Variants in USH2A observed in about 807,000 individuals in gnomAD.
USH2A encodes the protein usherin, also known as Usher syndrome 2A (autosomal recessive, mild).
In USH2A, 443 loss-of-function variants were observed where a neutral mutation model predicts 538.9. The ratio of observed to expected loss-of-function variants is 0.82; its 90% CI spans 0.76 to 0.89. USH2A has a LOEUF of 0.89. USH2A is among the 40% of genes least tolerant of loss of function. USH2A has a pLI of 0.00. For synonymous variants in USH2A, 2,413 were observed against 2,273.5 expected (o/e 1.06, Z -1.75); for missense variants, 6,633 against 6,324.8 (o/e 1.05, Z -1.65).
At chr1:215,768,506 C>T (rs910836685) in intron 55 of USH2A, among the ~76,000 whole-genome samples, 1 of 152,126 alleles carries the variant, frequency 6.6e-6, no homozygotes. Context: ...GATGCAGGCA[C>T]TTATTTGATT....
chr1:216,016,693 A>C (rs1668720145), intron 32 of USH2A, among the ~76,000 whole-genome samples: 1 of 152,138 alleles, frequency 6.6e-6, no homozygotes. Context: ...TATGACCCCT[A>C]ACACCTTGGA....
At chr1:216,296,282 A>C (rs1266108218) in intron 9 of USH2A, among the ~76,000 whole-genome samples, 1 of 152,074 alleles carries the variant, frequency 6.6e-6, no homozygotes, top group East Asian at 1.9e-4. Context: ...GGTCAATTAA[A>C]ATATCACTGT....
At chr1:216,414,151 G>A (rs1375372203) in intron 3 of USH2A, among the ~76,000 whole-genome samples, 1 of 152,044 alleles carries the variant, frequency 6.6e-6, no homozygotes, top group African/African-American at 2.4e-5. Context: ...AATATGATCA[G>A]TGTTCCCTAT....
At chr1:215,837,554 G>A (rs1191832473) in intron 47 of USH2A, among the ~76,000 whole-genome samples, 1 of 152,076 alleles carries the variant, frequency 6.6e-6, no homozygotes, top group Non-Finnish European at 1.5e-5. Context: ...GACAAAATTG[G>A]TAATGCTTAT....
At chr1:216,212,704 T>TGTGTGTGTGC (rs781591943) in intron 15 of USH2A, among the ~76,000 whole-genome samples, 1 of 151,210 alleles carries the variant, frequency 6.6e-6, no homozygotes, top group African/African-American at 2.4e-5. Context: ...TGTGTGTGTG[T>TGTGTGTGTGC]GCATGCACAT....
At chr1:215,912,937 G>C (rs982673893) in intron 38 of USH2A, among the ~76,000 whole-genome samples, 7 of 152,132 alleles carry the variant, frequency 4.6e-5, no homozygotes, top group Non-Finnish European at 8.8e-5. Context: ...CCATGAATTA[G>C]ATGATGTGAG....
intron 34 of USH2A, among the ~76,000 whole-genome samples, chr1:215,995,692 C>CA (rs2102479008): frequency 6.6e-6 from 1 of 152,214 alleles, no homozygotes; most frequent in African/African-American, 2.4e-5. Flanking sequence ...CTTTGAAAGC[C>CA]TGAGAGCCAT....
At chr1:216,214,494 G>A (rs1286438902) in intron 15 of USH2A, among the ~76,000 whole-genome samples, 2 of 151,966 alleles carry the variant, frequency 1.3e-5, no homozygotes, top group African/African-American at 2.4e-5. Context: ...TCATGGGAAA[G>A]GCAAAATTAT....
At chr1:216,372,480 T>TC (rs1170969615) in intron 3 of USH2A, among the ~76,000 whole-genome samples, 1 of 152,122 alleles carries the variant, frequency 6.6e-6, no homozygotes, top group Admixed American at 6.6e-5. Context: ...TCTCCCCTCA[T>TC]CTCTATTAAA....
At chr1:216,309,079 C>A (rs184832894) in intron 9 of USH2A, among the ~76,000 whole-genome samples, 7 of 152,278 alleles carry the variant, frequency 4.6e-5, no homozygotes, top group Non-Finnish European at 8.8e-5. Context: ...CCCATCATGC[C>A]TAGTCTGTTT....
At chr1:215,701,120 G>C (rs1659000953) in intron 61 of USH2A, among the ~76,000 whole-genome samples, 1 of 152,184 alleles carries the variant, frequency 6.6e-6, no homozygotes, top group African/African-American at 2.4e-5. Context: ...GTGTGGTTTT[G>C]AGTGAGTTTC....
intron 5 of USH2A, 32 bp downstream of exon 5, chr1:216,327,558 GT>G (rs780026879): frequency 6.2e-7 from 1 of 1,609,876 alleles, no homozygotes; most frequent in Non-Finnish European, 8.5e-7. Context: ...TATCCTTTCG[GT>G]TCTTGAGGTT....
intron 21 of USH2A, among the ~76,000 whole-genome samples, chr1:216,114,147 G>C (rs1364247726): frequency 6.6e-6 from 1 of 151,512 alleles, no homozygotes; most frequent in Non-Finnish European, 1.5e-5. Flanking sequence ...ATATTTAATT[G>C]ATATTAAGAA....
chr1:215,627,449 C>CTTCCTTCTTTCCTTCCTTCT lies in USH2A; in HGVS notation c.15519+1364_15519+1365insAGAAGGAAGGAAAGAAGGAA, dbSNP rs1558027584. Among the ~76,000 whole-genome samples, 59 of 83,956 alleles carry CTTCCTTCTTTCCTTCCTTCT rather than the reference C, an allele frequency of 7.0e-4. 1 individual carries two copies. The highest frequency in any genetic ancestry group is 1.4e-3 in the African/African-American group (37 of 26,240). 55.1% of individuals were successfully genotyped at this position (83,956 alleles called of 152,430 possible). A position where few individuals can be genotyped will look rare whatever the true frequency, so the allele number is the denominator to read the frequency against. ...CCTTCCTTCCTTCCTTCCTTCCTTC[C>CTTCCTTCTTTCCTTCCTTCT]TTCCTTCCTTCCTTCCTTCCTTCCT... On this transcript the variant is annotated intron_variant, in intron 71 of 71. Transcript: ENST00000307340.
chr1:216,160,992 T>TC (rs1370878514), intron 21 of USH2A, among the ~76,000 whole-genome samples: 2 of 152,188 alleles, frequency 1.3e-5, no homozygotes, highest in African/African-American at 2.4e-5. Context: ...TGAAATGTCC[T>TC]CCATTTTGTC....
chr1:216,224,296 G>C (rs2035520213), intron 14 of USH2A, among the ~76,000 whole-genome samples: 1 of 152,124 alleles, frequency 6.6e-6, no homozygotes, highest in Non-Finnish European at 1.5e-5. Context: ...TGTCAAATAT[G>C]GGTCTCCACT....
chr1:216,204,994 T>A (rs1382429150), intron 16 of USH2A, among the ~76,000 whole-genome samples: 1 of 152,190 alleles, frequency 6.6e-6, no homozygotes, highest in Non-Finnish European at 1.5e-5. Flanking sequence ...TGTAAGAAAA[T>A]GTTATTTGGA....
chr1:215,867,041 G>A lies in USH2A; in HGVS notation c.8811C>T (p.Asn2937=). The change falls in exon 44 of 72, where the codon AAC becomes AAT. Residue 2937 remains asparagine, a synonymous_variant. Coordinates refer to ENST00000307340, the MANE Select transcript of USH2A (RefSeq NM_206933.4). Reference sequence around the variant, plus strand: ...CCCACCTCACGTCGATGGCTGTGTGGTTAAGGACACTCGCAGTGAGATTGG... The same window carrying A: ...CCCACCTCACGTCGATGGCTGTGTGATTAAGGACACTCGCAGTGAGATTGG... The part of the protein sequence containing the change: ...RGANLTASVL[N]HTAIDVRWAK... 2 of 1,614,128 alleles carry A rather than the reference G, an allele frequency of 1.2e-6. No individual in the cohort carries two copies. Among genetic ancestry groups the A allele is most frequent in the South Asian group, 1.1e-5 (1 of 91,084 alleles).
At chr1:216,223,791 G>A (rs537175315) in intron 14 of USH2A, among the ~76,000 whole-genome samples, 1 of 152,298 alleles carries the variant, frequency 6.6e-6, no homozygotes, top group South Asian at 2.1e-4. Context: ...CAGTTGACAA[G>A]GAAGTTATCT....
Sources: allele counts gnomAD v4.1 joint callset (sites outside exome capture counted in the v4.1 genomes callset), GRCh38; gene constraint gnomAD v4.1.1; transcripts MANE v1.5; gene names NCBI Gene and HGNC (gene_info 2026-07-23, HGNC 2026-07-21).